The following AAK1 variants were observed in gnomAD, a reference collection of about 807,000 sequenced individuals.
AAK1 encodes the protein AP2 associated kinase 1.
AAK1 carries 37 observed loss-of-function variants against 116.0 expected under a neutral mutation model. That is an observed-to-expected ratio of 0.32 (90% CI 0.25 to 0.42). The LOEUF (loss-of-function observed/expected upper bound fraction) is 0.42, where lower values mean the gene tolerates loss of function less well. Ranked by LOEUF, AAK1 falls within the 10% of genes least tolerant of loss-of-function variation. AAK1 has a pLI of 1.00. For missense variants in AAK1, 919 were observed against 1,170.6 expected (o/e 0.79, Z 3.14); for synonymous variants, 458 against 439.9 (o/e 1.04, Z -0.51).
At chr2:69,569,161 G>A (rs892520181) in intron 2 of AAK1, among the ~76,000 whole-genome samples, 2 of 152,112 alleles carry the variant, frequency 1.3e-5, no homozygotes, top group African/African-American at 4.8e-5. Context: ...GTCCCTTCGA[G>A]CCAGAGGAAA....
rs1324919617 is a variant in AAK1, at chr2:69,531,675, TTGAC to T, written c.656+362_656+365del. On this transcript the variant is annotated intron_variant, in intron 6 of 21. Transcript: ENST00000409085. ...AGGGTTCAGTAAAAAGCACATCTGTTTGACTGATAATGTCATGGTTGTTGTGATC... is the reference window on the plus strand; with the variant it reads ...AGGGTTCAGTAAAAAGCACATCTGTTTGATAATGTCATGGTTGTTGTGATC... 6 of 1,007,292 alleles carry T rather than the reference TTGAC, an allele frequency of 6.0e-6. No individual in the cohort carries two copies. The East Asian group carries it at 5.8e-4, about 98-fold the overall frequency. The allele number at this position is 1,007,292 out of a possible 1,614,324, so 62.4% of individuals were successfully genotyped here. A position where few individuals can be genotyped will look rare whatever the true frequency, so the allele number is the denominator to read the frequency against.
Position 69,474,246 on chromosome 2 carries a change from A to T in AAK1, c.*1623T>A. 1.0e-6 allele frequency: 1 copy of T among 985,898 alleles called. No homozygotes were observed. Among genetic ancestry groups the T allele is most frequent in the Non-Finnish European group, 1.2e-6 (1 of 829,940 alleles). 61.1% of individuals were successfully genotyped at this position (985,898 alleles called of 1,614,324 possible). On this transcript the variant is annotated 3_prime_UTR_variant, in exon 22 of 22. Transcript: ENST00000409085. ...AAACAAAAGTACTAGATAGCAAAAC[A>T]AGCAAATGGACTTGGAATTTTATTT... is the stretch of plus-strand genomic sequence containing the variant.
At chr2:69,494,728 C>T (rs1027671147) in intron 17 of AAK1, among the ~76,000 whole-genome samples, 6 of 152,170 alleles carry the variant, frequency 3.9e-5, no homozygotes, top group Admixed American at 1.3e-4. Context: ...TATTTCATTC[C>T]TTTCTTCCCT....
chr2:69,525,192 G>A, intron 9 of AAK1, 80 bp from the exon 10 acceptor site: 1 of 1,399,802 alleles, frequency 7.1e-7, no homozygotes, highest in East Asian at 2.3e-5. Context: ...GCCTGACTGG[G>A]ACTGAGAGCT....
chr2:69,637,713 C>T (rs775556362), intron 2 of AAK1, among the ~76,000 whole-genome samples: 2 of 152,138 alleles, frequency 1.3e-5, no homozygotes, highest in Non-Finnish European at 2.9e-5. Context: ...GTCCCCTTTC[C>T]GAAGCGTCAA....
chr2:69,514,863 GA>G, intron 12 of AAK1, 114 bp from the exon 13 acceptor site: 2 of 1,241,578 alleles, frequency 1.6e-6, no homozygotes, highest in Non-Finnish European at 2.2e-6. Context: ...AGGGCAAGTA[GA>G]AAAGTCTTGA....
chr2:69,635,250 C>T (rs1228144787), intron 2 of AAK1, among the ~76,000 whole-genome samples: 1 of 152,184 alleles, frequency 6.6e-6, no homozygotes, highest in Non-Finnish European at 1.5e-5. Flanking sequence ...TAAGAAGATA[C>T]CACCTCACAT....
At chr2:69,616,494 A>G (rs1674334726) in intron 2 of AAK1, among the ~76,000 whole-genome samples, 1 of 152,256 alleles carries the variant, frequency 6.6e-6, no homozygotes, top group Non-Finnish European at 1.5e-5. Flanking sequence ...AGTAACCACC[A>G]GAGTACTGAT....
chr2:69,512,277 C>T (rs1676422673), intron 13 of AAK1, among the ~76,000 whole-genome samples: 1 of 152,176 alleles, frequency 6.6e-6, no homozygotes, highest in African/African-American at 2.4e-5. Flanking sequence ...GACTTCTATT[C>T]CATCACTCTA....
intron 2 of AAK1, among the ~76,000 whole-genome samples, chr2:69,628,608 C>T (rs1675020886): frequency 1.3e-5 from 2 of 152,160 alleles, no homozygotes; most frequent in African/African-American, 4.8e-5. Context: ...CTCTGTCATA[C>T]CACCTTAAAA....
At chr2:69,624,101 G>C (rs999328318) in intron 2 of AAK1, among the ~76,000 whole-genome samples, 12 of 152,184 alleles carry the variant, frequency 7.9e-5, no homozygotes, top group South Asian at 4.1e-4. Context: ...GAGAGAGGGA[G>C]GGAACACGTC....
intron 2 of AAK1, among the ~76,000 whole-genome samples, chr2:69,591,260 G>A (rs1673012011): frequency 6.6e-6 from 1 of 152,064 alleles, no homozygotes; most frequent in Admixed American, 6.5e-5. Flanking sequence ...CAGCACCCAG[G>A]CTCTACAGGA....
chr2:69,608,693 G>A lies in AAK1; in HGVS notation c.163+34185C>T, dbSNP rs115154635. 2.3e-3 allele frequency among the ~76,000 whole-genome samples: 352 copies of A among 152,286 alleles called. 1 individual carries two copies. Among genetic ancestry groups the A allele is most frequent in the African/African-American group, 8.2e-3 (339 of 41,560 alleles). On this transcript the variant is annotated intron_variant, in intron 2 of 21. Transcript: ENST00000409085. The stretch of plus-strand genomic sequence containing the variant: ...AGAAATGTCAGAAGACAAAAATGAG[G>A]TAGAGATTAATTTTAACACAGGACA...
chr2:69,517,762 A>G (rs545671340), intron 12 of AAK1, among the ~76,000 whole-genome samples: 1 of 151,604 alleles, frequency 6.6e-6, no homozygotes, highest in East Asian at 1.9e-4. Context: ...TCTCCGAAAA[A>G]TTAAATGACA....
At chr2:69,478,658 T>C (rs1674960619) in intron 20 of AAK1, 1 of 297,222 alleles carries the variant, frequency 3.4e-6, no homozygotes, top group African/African-American at 2.3e-5. Flanking sequence ...CTCCGTATGT[T>C]GTCCAGGCTG....
chr2:69,480,822 C>G, intron 19 of AAK1, 38 bp downstream of exon 19: 1 of 1,531,216 alleles, frequency 6.5e-7, no homozygotes, highest in Non-Finnish European at 8.9e-7. Flanking sequence ...GTTCACCACA[C>G]CGACCAGTCC....
chr2:69,533,695 T>G (rs1359455397), intron 5 of AAK1, among the ~76,000 whole-genome samples: 1 of 152,206 alleles, frequency 6.6e-6, no homozygotes, highest in East Asian at 1.9e-4. Context: ...CTATTGTTCT[T>G]CCAGAGAGGA....
At chr2:69,531,493 A>G in intron 6 of AAK1, 1 of 769,734 alleles carries the variant, frequency 1.3e-6, no homozygotes. Flanking sequence ...CATTGTGGAC[A>G]TGAGGAGAAA....
Position 69,475,330 on chromosome 2 carries a change from CT to C in AAK1, c.*538del. On this transcript the variant is annotated 3_prime_UTR_variant, in exon 22 of 22. Coordinates refer to ENST00000409085, the MANE Select transcript of AAK1 (RefSeq NM_014911.5). ...ATACTACCAGTCAGTAAGTTTTACC[CT>C]TTCTTAAACCACACACCCATCTCCA... is the stretch of plus-strand genomic sequence containing the variant. 1 of 986,294 alleles carries C rather than the reference CT, an allele frequency of 1.0e-6. No individual in the cohort carries two copies. Among genetic ancestry groups the C allele is most frequent in the East Asian group, 1.1e-4 (1 of 8,826 alleles). The allele number at this position is 986,294 out of a possible 1,614,324, so 61.1% of individuals were successfully genotyped here.
Sources: gnomAD v4.1 joint callset for allele counts (sites outside exome capture counted in the v4.1 genomes callset) on GRCh38, gnomAD v4.1.1 for gene constraint, MANE v1.5 for transcripts, NCBI Gene and HGNC (gene_info 2026-07-23, HGNC 2026-07-21) for gene names.